Variants in TROAP observed in about 807,000 individuals in gnomAD.
TROAP encodes tastin.
Under a neutral mutation model 83.4 loss-of-function variants are expected in TROAP, and 62 were observed. The observed-to-expected ratio is 0.74, with a 90% CI of 0.61 to 0.92. TROAP has a LOEUF of 0.92. Ranked by LOEUF, TROAP falls within the 40% of genes least tolerant of loss-of-function variation. TROAP has a pLI of 0.00. For synonymous variants in TROAP, 352 were observed against 386.4 expected, an observed-to-expected ratio of 0.91 and a Z score of 1.04; for missense variants, 876 against 985.1, an observed-to-expected ratio of 0.89 and a Z score of 1.48.
At position 49,329,910 on chromosome 12, in the gene TROAP, G is replaced by C; in HGVS notation, c.1218G>C (p.Glu406Asp). ...FDQESCIRSL[E>D]GSGKPPVATP... ...AGGAGAGTTGTATAAGGTCACTGGA[G>C]GGTTCTGGGAAACCACCGGTGGCCA... The change falls in exon 12 of 15, where the codon GAG becomes GAC. Residue 406 changes from glutamate to aspartate, a missense_variant. Transcript: ENST00000257909. The surrounding 1 kb of genome is among the most constrained non-coding windows in gnomAD (Gnocchi z 4.5). 1 of 1,614,032 alleles carries C rather than the reference G, an allele frequency of 6.2e-7. No homozygotes were observed. The highest frequency in any genetic ancestry group is 1.1e-5 in the South Asian group (1 of 91,080).
At position 49,326,654 on chromosome 12, in the gene TROAP, C is replaced by T. The variant is rs1412545216; in HGVS notation, c.717-14C>T. The stretch of plus-strand genomic sequence containing the variant: ...TATTCAGTGACTGCTGGCTAATGTC[C>T]TTATTGTCATCAGGACTTCAGTGAG... On this transcript the variant is annotated splice_polypyrimidine_tract_variant and intron_variant, in intron 6 of 14. Coordinates refer to ENST00000257909, the MANE Select transcript of TROAP (RefSeq NM_005480.4). 1.7e-5 allele frequency: 26 copies of T among 1,554,022 alleles called. No homozygotes were observed. Among genetic ancestry groups the T allele is most frequent in the Non-Finnish European group, 2.2e-5 (25 of 1,147,968 alleles).
At position 49,331,357 on chromosome 12, in the gene TROAP, C is replaced by T. The variant is rs530742403; in HGVS notation, c.2242C>T (p.Arg748Trp). Residue 748 changes from arginine (R) to tryptophan (W), a missense_variant, in exon 14 of 15, where the codon CGG (arginine) becomes TGG (tryptophan). This residue lies in a region of TROAP where 184 missense variants were observed against 238.3 expected (regional missense o/e 0.77). Coordinates refer to ENST00000257909, the MANE Select transcript of TROAP (RefSeq NM_005480.4). ...CCGAGCCCCTCCCTCAGGCCCCACC[C>T]GGGTCTGCACCAACCCTGTGGCTAC... The part of the protein sequence containing the change: ...TSRAPPSGPT[R>W]VCTNPVATLL... The T allele has an allele frequency of 2.0e-5, 32 of 1,614,176 alleles. No individual in the cohort carries two copies. The highest frequency in any genetic ancestry group is 2.0e-4 in the South Asian group (18 of 91,086).
chr12:49,329,811 C>T lies in TROAP; in HGVS notation c.1165-46C>T. ...GGGTGGGACTCAGGCTGGTCTTTCT[C>T]CTGCCCCAGCCTGGCTTGCTTGTGT... On this transcript the variant is annotated intron_variant, in intron 11 of 14. Coordinates refer to ENST00000257909, the MANE Select transcript of TROAP (RefSeq NM_005480.4). This position sits in a 1 kb window ranked among gnomAD's most constrained non-coding sequence, Gnocchi z 4.5. 1 of 1,601,632 alleles carries T rather than the reference C, an allele frequency of 6.2e-7. No homozygotes were observed. Among genetic ancestry groups the T allele is most frequent in the South Asian group, 1.1e-5 (1 of 88,850 alleles).
chr12:49,329,126 T>C lies in TROAP; in HGVS notation c.1021-35T>C, dbSNP rs778482791. ...CCGGAGATCCTTGCTATGTCTGGGT[T>C]TTGTCCCTGCTCAGCCACCCACATC... is the stretch of plus-strand genomic sequence containing the variant. On this transcript the variant is annotated intron_variant, in intron 9 of 14. Coordinates refer to ENST00000257909, the MANE Select transcript of TROAP (RefSeq NM_005480.4). This position sits in a 1 kb window ranked among gnomAD's most constrained non-coding sequence, Gnocchi z 4.5. 2 of 1,614,104 alleles carry C rather than the reference T, an allele frequency of 1.2e-6. No individual in the cohort carries two copies. The highest frequency in any genetic ancestry group is 2.2e-5 in the South Asian group (2 of 91,082).
chr12:49,326,748 CA>C (rs1286556610), intron 7 of TROAP, 28 bp downstream of exon 7: 1 of 1,556,270 alleles, frequency 6.4e-7, no homozygotes, highest in South Asian at 1.2e-5. Context: ...GGGGAGAGAA[CA>C]GGGGCAGTTG....
Position 49,330,756 on chromosome 12 carries a change from T to G in TROAP, c.1911T>G (p.Pro637=), listed in dbSNP as rs751329943. 1 of 1,613,848 alleles carries G rather than the reference T, an allele frequency of 6.2e-7. No homozygotes were observed. Among genetic ancestry groups the G allele is most frequent in the African/African-American group, 1.3e-5 (1 of 74,870 alleles). Residue 637 remains proline (P), a synonymous_variant, in exon 13 of 15, where the codon CCT becomes CCG. Transcript: ENST00000257909. ...AGTCTGGACCCCCAGGGCCCTGCCCTAGGGTAGAGCTGGGGGCATCAGAGC... is the reference window on the plus strand; with the variant it reads ...AGTCTGGACCCCCAGGGCCCTGCCCGAGGGTAGAGCTGGGGGCATCAGAGC... ...QGQSGPPGPC[P]RVELGASEPC... is the part of the protein sequence containing the mutation.
Position 49,330,250 on chromosome 12 carries a change from C to G in TROAP, c.1405C>G (p.Gln469Glu). ...GGSSLDMVEL[Q>E]PLLTEISRTL... ...CTCTTCTCTGGATATGGTTGAACTT[C>G]AGCCCCTGCTGACTGAGATTTCTAG... The change falls in exon 13 of 15, where the codon CAG becomes GAG. Residue 469 changes from glutamine to glutamate, a missense_variant. By Grantham distance (29) the Gln-to-Glu change is conservative. Around this residue, in one of 3 missense-constraint regions of TROAP, gnomAD observed 689 missense variants for 722.6 expected, o/e 0.95. Transcript: ENST00000257909. The G allele has an allele frequency of 6.2e-7, 1 of 1,614,156 alleles. No homozygotes were observed.
Position 49,329,544 on chromosome 12 carries a change from G to A in TROAP, c.1164+90G>A. The A allele has an allele frequency of 7.0e-7, 1 of 1,431,400 alleles. No homozygotes were observed. The highest frequency in any genetic ancestry group is 2.3e-5 in the East Asian group (1 of 43,502). The allele number at this position is 1,431,400 out of a possible 1,614,324, so 88.7% of individuals were successfully genotyped here. ...GAGTTTGAGGCACACGTGCTTTCTG[G>A]GCCAGGCATGGTGGCTCACACCTGT... is the stretch of plus-strand genomic sequence containing the variant. On this transcript the variant is annotated intron_variant, in intron 11 of 14. Transcript: ENST00000257909. The surrounding 1 kb of genome is among the most constrained non-coding windows in gnomAD (Gnocchi z 4.5).
Position 49,328,789 on chromosome 12 carries a change from G to A in TROAP, c.892-138G>A, listed in dbSNP as rs1005571216. 26 of 1,204,818 alleles carry A rather than the reference G, an allele frequency of 2.2e-5. No individual in the cohort carries two copies. The Admixed American group carries it at 3.0e-4, about 14-fold the overall frequency. 74.6% of individuals were successfully genotyped at this position (1,204,818 alleles called of 1,614,324 possible). A position where few individuals can be genotyped will look rare whatever the true frequency, so the allele number is the denominator to read the frequency against. ...TGAGGCAGGAGAATGGTGTGAACCC[G>A]GGATGCGGAGCTTGCAGTGAGCCAA... On this transcript the variant is annotated intron_variant, in intron 8 of 14. Transcript: ENST00000257909.
Position 49,324,039 on chromosome 12 carries a change from T to A in TROAP, c.337+2T>A, listed in dbSNP as rs1565667886. 1 of 1,612,726 alleles carries A rather than the reference T, an allele frequency of 6.2e-7. No homozygotes were observed. The highest frequency in any genetic ancestry group is 1.1e-5 in the South Asian group (1 of 91,036). The stretch of plus-strand genomic sequence containing the variant: ...GGCCTGGGCCCCCTGCCCAGACAGG[T>A]ACCTGTTGGAGCCATGGTAACACGG... On this transcript the variant is annotated splice_donor_variant, in intron 3 of 14. Coordinates refer to ENST00000257909, the MANE Select transcript of TROAP (RefSeq NM_005480.4). LOFTEE classifies it high-confidence loss of function.
chr12:49,330,034 G>A (rs1943554733), intron 12 of TROAP, 43 bp downstream of exon 12: 1 of 1,611,490 alleles, frequency 6.2e-7, no homozygotes. Context: ...ATTGAACAGT[G>A]ACTGGGCTGA....
Position 49,325,747 on chromosome 12 carries a change from G to A in TROAP, c.496G>A (p.Gly166Ser), listed in dbSNP as rs1019723273. 6.2e-7 allele frequency: 1 copy of A among 1,613,652 alleles called. No individual in the cohort carries two copies. Among genetic ancestry groups the A allele is most frequent in the African/African-American group, 1.3e-5 (1 of 75,042 alleles). Residue 166 changes from glycine to serine, a missense_variant and splice_region_variant, in exon 5 of 15, where the codon GGT becomes AGT. Coordinates refer to ENST00000257909, the MANE Select transcript of TROAP (RefSeq NM_005480.4). ...CTGACAGCCTCTGTTGGTGTCCCAG[G>A]GTGTTCGGGCCTCTGCATATTTGGC... is the stretch of plus-strand genomic sequence containing the variant. ...SQGGTTQRVQGVRASAYLAPR... is the reference protein window; with the variant it reads ...SQGGTTQRVQSVRASAYLAPR...
intron 12 of TROAP, 33 bp downstream of exon 12, chr12:49,330,024 A>G (rs1187056857): frequency 1.2e-6 from 2 of 1,613,000 alleles, no homozygotes; most frequent in South Asian, 2.2e-5. Flanking sequence ...TTTGATGTCT[A>G]TTGAACAGTG....
Position 49,325,740 on chromosome 12 carries a change from G to T in TROAP, c.496-7G>T. On this transcript the variant is annotated splice_region_variant and splice_polypyrimidine_tract_variant and intron_variant, in intron 4 of 14. Coordinates refer to ENST00000257909, the MANE Select transcript of TROAP (RefSeq NM_005480.4). ...AGCAGTGCTGACAGCCTCTGTTGGT[G>T]TCCCAGGGTGTTCGGGCCTCTGCAT... is the stretch of plus-strand genomic sequence containing the variant. 1.2e-6 allele frequency: 2 copies of T among 1,613,482 alleles called. No homozygotes were observed. The highest frequency in any genetic ancestry group is 1.7e-6 in the Non-Finnish European group (2 of 1,179,730).
At chr12:49,327,766 G>A (rs1217104524) in intron 8 of TROAP, among the ~76,000 whole-genome samples, 2 of 152,128 alleles carry the variant, frequency 1.3e-5, no homozygotes, top group African/African-American at 4.8e-5. Flanking sequence ...TAGTGTCTCA[G>A]ATGATGGTAA....
At position 49,329,468 on chromosome 12, in the gene TROAP, G is replaced by T; in HGVS notation, c.1164+14G>T. The T allele has an allele frequency of 6.2e-7, 1 of 1,602,654 alleles. No individual in the cohort carries two copies. Among genetic ancestry groups the T allele is most frequent in the Non-Finnish European group, 8.5e-7 (1 of 1,174,200 alleles). On this transcript the variant is annotated intron_variant, in intron 11 of 14. Transcript: ENST00000257909. This position sits in a 1 kb window ranked among gnomAD's most constrained non-coding sequence, Gnocchi z 4.5. ...GCCCTGCCCTGGGTAAGTATCAGAA[G>T]CTTCCCCCTACTGAGATCCCTTGCC...
At position 49,330,720 on chromosome 12, in the gene TROAP, C is replaced by A; in HGVS notation, c.1875C>A (p.Ser625Arg). The A allele has an allele frequency of 6.2e-7, 1 of 1,614,090 alleles. No individual in the cohort carries two copies. The highest frequency in any genetic ancestry group is 2.2e-5 in the East Asian group (1 of 44,878). ...CAGAACCCGGGCCCCTTCAGCCCAG[C>A]ACCCAGGGGCAGTCTGGACCCCCAG... The part of the protein sequence containing the change: ...PPAEPGPLQP[S>R]TQGQSGPPGP... The change falls in exon 13 of 15, where the codon AGC becomes AGA. Residue 625 changes from serine (S) to arginine (R), a missense_variant. By Grantham distance (110) the Ser-to-Arg change is moderately radical. Coordinates refer to ENST00000257909, the MANE Select transcript of TROAP (RefSeq NM_005480.4).
Position 49,326,153 on chromosome 12 carries a change from C to T in TROAP, c.711C>T (p.Ser237=). The change falls in exon 6 of 15, where the codon AGC becomes AGT. Residue 237 remains serine, a synonymous_variant. Transcript: ENST00000257909. The part of the protein sequence containing the change: ...FQELRRETAG[S]SRTSVSQASG... ...AGCTAAGAAGGGAGACAGCTGGCAG[C>T]AGCCGGTGAGAAAGGAGAGGGTGTG... is the stretch of plus-strand genomic sequence containing the variant. 1 of 1,613,934 alleles carries T rather than the reference C, an allele frequency of 6.2e-7. No homozygotes were observed. Among genetic ancestry groups the T allele is most frequent in the Non-Finnish European group, 8.5e-7 (1 of 1,179,956 alleles).
chr12:49,330,236 A>T lies in TROAP; in HGVS notation c.1391A>T (p.Asp464Val), dbSNP rs994412498. ...CVPLNGGSSLDMVELQPLLTE... is the reference protein window; with the variant it reads ...CVPLNGGSSLVMVELQPLLTE... The stretch of plus-strand genomic sequence containing the variant: ...CCTCTTAATGGAGGCTCTTCTCTGG[A>T]TATGGTTGAACTTCAGCCCCTGCTG... Residue 464 changes from aspartate to valine, a missense_variant, in exon 13 of 15, where the codon GAT (aspartate) becomes GTT (valine). Coordinates refer to ENST00000257909, the MANE Select transcript of TROAP (RefSeq NM_005480.4). 9 of 1,613,984 alleles carry T rather than the reference A, an allele frequency of 5.6e-6. No homozygotes were observed. Among genetic ancestry groups the T allele is most frequent in the Non-Finnish European group, 6.8e-6 (8 of 1,180,006 alleles).
Sources: allele counts gnomAD v4.1 joint callset (sites outside exome capture counted in the v4.1 genomes callset), GRCh38; gene constraint gnomAD v4.1.1; regional missense constraint gnomAD v4.1.1; non-coding constraint Gnocchi (gnomAD v3.1); transcripts MANE v1.5; gene names NCBI Gene and HGNC (gene_info 2026-07-23, HGNC 2026-07-21).